ADGRL4: variants seen among roughly 807,000 people sequenced by gnomAD.
ADGRL4 encodes the protein EGF, latrophilin and seven transmembrane domain containing 1.
ADGRL4 carries 90 observed loss-of-function variants against 74.8 expected under a neutral mutation model. The ratio of observed to expected loss-of-function variants is 1.20; its 90% CI spans 1.02 to 1.43. ADGRL4 has a LOEUF of 1.43. Among genes scored for constraint, ADGRL4 ranks in the 40% most tolerant of loss-of-function variants. The probability of loss-of-function intolerance (pLI) is 0.00; values close to 1 mark genes in which losing one functional copy is unlikely to be tolerated. For synonymous variants in ADGRL4, 311 were observed against 279.2 expected (o/e 1.11, Z -1.14); for missense variants, 881 against 814.3 (o/e 1.08, Z -1.00).
chr1:78,914,752 G>A (rs776056004), intron 12 of ADGRL4, among the ~76,000 whole-genome samples: 6 of 151,686 alleles, frequency 4.0e-5, no homozygotes, highest in South Asian at 4.1e-4. Flanking sequence ...TACTTGAAGC[G>A]TATGTGTTTG....
At chr1:78,972,595 AT>A (rs1650191796) in intron 2 of ADGRL4, among the ~76,000 whole-genome samples, 1 of 152,154 alleles carries the variant, frequency 6.6e-6, no homozygotes, top group African/African-American at 2.4e-5. Flanking sequence ...AAGGGAACAT[AT>A]TGGGAAATAA....
chr1:78,986,657 T>C (rs1650504630), intron 2 of ADGRL4, among the ~76,000 whole-genome samples: 1 of 151,632 alleles, frequency 6.6e-6, no homozygotes, highest in South Asian at 2.1e-4. Context: ...GCAATATACA[T>C]TACTTTTTGA....
At chr1:78,992,599 A>G (rs1297320399) in intron 2 of ADGRL4, among the ~76,000 whole-genome samples, 1 of 152,030 alleles carries the variant, frequency 6.6e-6, no homozygotes, top group Admixed American at 6.6e-5. Flanking sequence ...CCTACTCACA[A>G]CTACACACAA....
At chr1:78,894,619 T>G (rs936366403) in intron 12 of ADGRL4, among the ~76,000 whole-genome samples, 2 of 151,894 alleles carry the variant, frequency 1.3e-5, no homozygotes, top group Admixed American at 1.3e-4. Flanking sequence ...AGCTTCTTTG[T>G]ATAAATTTGG....
At position 78,988,930 on chromosome 1, in the gene ADGRL4, G is replaced by A. The variant is rs559618231; in HGVS notation, c.172+16140C>T. Reference sequence around the variant, plus strand: ...TCTCTATTCTAATAAGCTTTATGCCGAAGTATTCTGCAAGTCTTTTTACAA... The same window carrying A: ...TCTCTATTCTAATAAGCTTTATGCCAAAGTATTCTGCAAGTCTTTTTACAA... On this transcript the variant is annotated intron_variant, in intron 2 of 14. Transcript: ENST00000370742. Among the ~76,000 whole-genome samples, 11 of 151,820 alleles carry A rather than the reference G, an allele frequency of 7.2e-5. No homozygotes were observed. In the East Asian group the frequency reaches 9.6e-4, roughly 13 times the overall value.
In ADGRL4 at chr1:78,920,384, AC is replaced by A; in HGVS notation, c.1259del (p.Gly420ValfsTer14). The A allele has an allele frequency of 6.5e-7, 1 of 1,542,712 alleles. No homozygotes were observed. On this transcript the variant is annotated frameshift_variant and splice_region_variant, in exon 10 of 15. Coordinates refer to ENST00000370742, the MANE Select transcript of ADGRL4 (RefSeq NM_022159.4). LOFTEE classifies it high-confidence loss of function. ...AILMSSGPSIGIKDYNILTRI... is the reference protein window; with the variant it reads ...AILMSSGPSIXIKDYNILTRI... Reference sequence around the variant, plus strand: ...TTGTAAGAATATTATAATCTTTAATACCCTAAGGGAAAATAATAATAAAGCA... The same window carrying A: ...TTGTAAGAATATTATAATCTTTAATACCTAAGGGAAAATAATAATAAAGCA...
chr1:78,892,166 A>C (rs1648291899), intron 13 of ADGRL4, among the ~76,000 whole-genome samples: 1 of 152,154 alleles, frequency 6.6e-6, no homozygotes, highest in African/African-American at 2.4e-5. Context: ...CTTTTCTTTC[A>C]GGTTGAGAAG....
At chr1:78,901,841 T>A (rs2100655500) in intron 12 of ADGRL4, among the ~76,000 whole-genome samples, 1 of 152,238 alleles carries the variant, frequency 6.6e-6, no homozygotes, top group South Asian at 2.1e-4. Context: ...GGTCAGGATT[T>A]AGCACACTTG....
At chr1:78,900,865 T>C (rs1424876381) in intron 12 of ADGRL4, among the ~76,000 whole-genome samples, 1 of 152,136 alleles carries the variant, frequency 6.6e-6, no homozygotes, top group South Asian at 2.1e-4. Context: ...AATGTGTATA[T>C]GTATATAATG....
At chr1:78,921,023 ATATAT>A (rs1648988102) in intron 9 of ADGRL4, among the ~76,000 whole-genome samples, 1 of 150,540 alleles carries the variant, frequency 6.6e-6, no homozygotes, top group Non-Finnish European at 1.5e-5. Flanking sequence ...TTATAAATAA[ATATAT>A]TAAAATGGAG....
At chr1:78,956,210 A>G (rs1257891780) in intron 2 of ADGRL4, among the ~76,000 whole-genome samples, 1 of 152,180 alleles carries the variant, frequency 6.6e-6, no homozygotes, top group Admixed American at 6.6e-5. Flanking sequence ...AAACTAGGAT[A>G]TCACTTGTTT....
intron 2 of ADGRL4, among the ~76,000 whole-genome samples, chr1:78,949,767 ACT>A (rs1275465624): frequency 6.6e-6 from 1 of 152,134 alleles, no homozygotes; most frequent in African/African-American, 2.4e-5. Flanking sequence ...CCTGTAACTA[ACT>A]CTATAATTTT....
In ADGRL4 at chr1:78,920,339, T is replaced by C; in HGVS notation, c.1305A>G (p.Ile435Met). ...NILTRITQLG[I>M]IISLICLAIC... ...TGGCAAGACAAATCAGTGAAATAAT[T>C]ATTCCTAGTTGAGTGATCCTTGTAA... The change falls in exon 10 of 15, where the codon ATA (isoleucine) becomes ATG (methionine). Residue 435 changes from isoleucine (I) to methionine (M), a missense_variant. By Grantham distance (10) the Ile-to-Met change is conservative. Coordinates refer to ENST00000370742, the MANE Select transcript of ADGRL4 (RefSeq NM_022159.4). The C allele has an allele frequency of 1.4e-5, 23 of 1,607,330 alleles. No individual in the cohort carries two copies. Among genetic ancestry groups the C allele is most frequent in the Non-Finnish European group, 2.0e-5 (23 of 1,174,828 alleles).
intron 2 of ADGRL4, among the ~76,000 whole-genome samples, chr1:78,991,786 C>T (rs529795753): frequency 1.3e-3 from 202 of 152,010 alleles, no homozygotes; most frequent in African/African-American, 4.7e-3. Context: ...TTTCTGCTCC[C>T]ATAGTAGCAA....
intron 8 of ADGRL4, 95 bp downstream of exon 8, chr1:78,926,791 C>T (rs1210331246): frequency 2.3e-6 from 2 of 871,452 alleles, no homozygotes; most frequent in Admixed American, 3.0e-5. Context: ...TATTTTTAAA[C>T]TCAAGAACTC....
intron 2 of ADGRL4, among the ~76,000 whole-genome samples, chr1:78,957,319 C>T (rs752315900): frequency 9.9e-5 from 15 of 152,094 alleles, no homozygotes; most frequent in Non-Finnish European, 1.8e-4. Flanking sequence ...GATAATTAAG[C>T]ATAGTGAGGA....
intron 2 of ADGRL4, among the ~76,000 whole-genome samples, chr1:78,988,233 A>C (rs923431615): frequency 6.6e-6 from 1 of 151,764 alleles, no homozygotes; most frequent in Non-Finnish European, 1.5e-5. Flanking sequence ...TTTGACAATT[A>C]ATTTGAAATG....
chr1:78,905,203 G>A (rs1029806825), intron 12 of ADGRL4, among the ~76,000 whole-genome samples: 1 of 152,000 alleles, frequency 6.6e-6, no homozygotes, highest in Non-Finnish European at 1.5e-5. Flanking sequence ...AGTAAGTTGA[G>A]CATTTATCAT....
At position 78,891,587 on chromosome 1, in the gene ADGRL4, G is replaced by A. The variant is rs1341387786; in HGVS notation, c.1947C>T (p.Phe649=). The change falls in exon 14 of 15, where the codon TTC becomes TTT. Residue 649 remains phenylalanine, a synonymous_variant. Transcript: ENST00000370742. ...VHASVVTAYL[F]TVSNAFQGMF... is the part of the protein sequence containing the mutation. ...TCCCCTGGAAAGCATTGCTGACTGT[G>A]AAGAGGTAAGCTGTAACCACTGATG... The A allele has an allele frequency of 6.2e-7, 1 of 1,613,440 alleles. No individual in the cohort carries two copies. The highest frequency in any genetic ancestry group is 8.5e-7 in the Non-Finnish European group (1 of 1,179,730).
Sources: allele counts gnomAD v4.1 joint callset (sites outside exome capture counted in the v4.1 genomes callset), GRCh38; gene constraint gnomAD v4.1.1; transcripts MANE v1.5; gene names NCBI Gene and HGNC (gene_info 2026-07-23, HGNC 2026-07-21).